Variants in SAMD5 observed in about 807,000 individuals in gnomAD.
SAMD5 encodes the protein sterile alpha motif domain-containing protein 5.
Under a neutral mutation model 11.3 loss-of-function variants are expected in SAMD5, and 13 were observed. The ratio of observed to expected loss-of-function variants is 1.15; its 90% CI spans 0.75 to 1.83. The LOEUF (loss-of-function observed/expected upper bound fraction) is 1.83. SAMD5 is among the 40% of genes most tolerant of loss of function. The probability of loss-of-function intolerance (pLI) is 0.00; values close to 1 mark genes in which losing one functional copy is unlikely to be tolerated. For synonymous variants in SAMD5, 129 were observed against 111.3 expected, an observed-to-expected ratio of 1.16 and a Z score of -1.00; for missense variants, 255 against 239.1, an observed-to-expected ratio of 1.07 and a Z score of -0.44.
chr6:147,723,960 C>T (rs1371007593), intron 1 of SAMD5, among the ~76,000 whole-genome samples: 1 of 152,118 alleles, frequency 6.6e-6, no homozygotes, highest in Non-Finnish European at 1.5e-5. Flanking sequence ...CACTAACTGC[C>T]CCAGGGCCCA....
the SAMD5 span, among the ~76,000 whole-genome samples, chr6:147,857,678 T>G: frequency 6.7e-6 from 1 of 149,368 alleles, no homozygotes; most frequent in Admixed American, 6.6e-5. Context: ...CACCTTAGAA[T>G]TTTTTCTTCT....
the SAMD5 span, among the ~76,000 whole-genome samples, chr6:147,765,753 A>G: frequency 6.6e-6 from 1 of 152,218 alleles, no homozygotes; most frequent in South Asian, 2.1e-4. Flanking sequence ...CAACAGATGT[A>G]CATCAGATCT....
At chr6:147,707,055 T>C (rs1791334369) in intron 1 of SAMD5, among the ~76,000 whole-genome samples, 1 of 152,202 alleles carries the variant, frequency 6.6e-6, no homozygotes, top group Non-Finnish European at 1.5e-5. Context: ...GCCAGAAAGT[T>C]GTTGGCTAAT....
At position 147,564,629 on chromosome 6, in the gene SAMD5, T is replaced by A; in HGVS notation, c.*173T>A. ...TAATCAACTTAGTAAACTGGGTAAC[T>A]GGCTTATAACAGCTAGAAATAAGGC... is the stretch of plus-strand genomic sequence containing the variant. On this transcript the variant is annotated 3_prime_UTR_variant, in exon 2 of 2. Transcript: ENST00000367474. 1 of 1,409,506 alleles carries A rather than the reference T, an allele frequency of 7.1e-7. No homozygotes were observed. Among genetic ancestry groups the A allele is most frequent in the Non-Finnish European group, 9.2e-7 (1 of 1,081,872 alleles). 87.3% of individuals were successfully genotyped at this position (1,409,506 alleles called of 1,614,324 possible).
the SAMD5 span, among the ~76,000 whole-genome samples, chr6:147,789,113 AC>A: frequency 1.3e-3 from 188 of 142,784 alleles, no homozygotes; most frequent in African/African-American, 4.9e-3. Context: ...AAAAAAAAAC[AC>A]CACCATCCAG....
Position 147,569,662 on chromosome 6 carries a change from C to A in SAMD5, c.*5206C>A. 5 of 985,358 alleles carry A rather than the reference C, an allele frequency of 5.1e-6. No individual in the cohort carries two copies. Among genetic ancestry groups the A allele is most frequent in the Non-Finnish European group, 4.8e-6 (4 of 829,906 alleles). The allele number at this position is 985,358 out of a possible 1,614,324, so 61.0% of individuals were successfully genotyped here. ...TGTATTGTTCATTGCACTTGTTGCC[C>A]TGTTCCCCAAGCTTGTCAATGTTTA... On this transcript the variant is annotated 3_prime_UTR_variant, in exon 2 of 2. Transcript: ENST00000367474.
the SAMD5 span, among the ~76,000 whole-genome samples, chr6:147,887,363 C>T: frequency 1.3e-5 from 2 of 152,154 alleles, no homozygotes; most frequent in African/African-American, 4.8e-5. Context: ...ACCATCCAAC[C>T]TCTGATTTGC....
the SAMD5 span, among the ~76,000 whole-genome samples, chr6:147,816,523 C>T: frequency 1.3e-5 from 2 of 151,298 alleles, no homozygotes; most frequent in East Asian, 1.9e-4. Context: ...AATATTATCA[C>T]ATACAAAAGG....
At chr6:147,613,472 T>G (rs1365789395) in intron 1 of SAMD5, among the ~76,000 whole-genome samples, 1 of 151,814 alleles carries the variant, frequency 6.6e-6, no homozygotes, top group Non-Finnish European at 1.5e-5. Context: ...TCCTAACAGT[T>G]CTCTTCCACT....
chr6:147,651,347 C>T (rs1367737549), intron 1 of SAMD5, among the ~76,000 whole-genome samples: 1 of 152,200 alleles, frequency 6.6e-6, no homozygotes, highest in Admixed American at 6.5e-5. Flanking sequence ...CCATTGCTAA[C>T]TCTTTAACAT....
At chr6:147,907,206 C>T in the SAMD5 span, among the ~76,000 whole-genome samples, 440 of 152,220 alleles carry the variant, frequency 2.9e-3, 7 homozygotes, top group South Asian at 0.013. Flanking sequence ...CTTAAGATCC[C>T]GGGTCTGGCA....
chr6:147,763,348 G>C, the SAMD5 span, among the ~76,000 whole-genome samples: 4 of 151,854 alleles, frequency 2.6e-5, no homozygotes, highest in Non-Finnish European at 5.9e-5. Context: ...GTTTTTAGTA[G>C]AGACAGGGTT....
At chr6:147,809,240 A>C in the SAMD5 span, among the ~76,000 whole-genome samples, 1 of 152,164 alleles carries the variant, frequency 6.6e-6, no homozygotes, top group African/African-American at 2.4e-5. Context: ...CCACAGTTTA[A>C]AAATATCAGT....
At chr6:147,821,923 A>G in the SAMD5 span, among the ~76,000 whole-genome samples, 1 of 152,166 alleles carries the variant, frequency 6.6e-6, no homozygotes, top group Non-Finnish European at 1.5e-5. Flanking sequence ...GCCTAGTGCA[A>G]TGTCTAGATA....
chr6:147,932,805 A>G, the SAMD5 span, among the ~76,000 whole-genome samples: 1 of 152,170 alleles, frequency 6.6e-6, no homozygotes, highest in Non-Finnish European at 1.5e-5. Context: ...GACTGATGGA[A>G]AGGGAATGGG....
the SAMD5 span, among the ~76,000 whole-genome samples, chr6:147,912,498 G>A: frequency 6.6e-6 from 1 of 152,076 alleles, no homozygotes; most frequent in Middle Eastern, 3.2e-3. Context: ...AGCATAAAAG[G>A]GTAAAAATCA....
chr6:147,777,453 G>A, the SAMD5 span, among the ~76,000 whole-genome samples: 4 of 151,906 alleles, frequency 2.6e-5, no homozygotes, highest in Non-Finnish European at 5.9e-5. Context: ...CTCTCTCCTG[G>A]TTTTCTTCCT....
At chr6:147,667,444 A>G (rs548612827) in intron 1 of SAMD5, among the ~76,000 whole-genome samples, 14 of 152,312 alleles carry the variant, frequency 9.2e-5, no homozygotes, top group Non-Finnish European at 1.5e-4. Flanking sequence ...CTTAATGGCA[A>G]AGCCTGGTCT....
chr6:147,918,466 A>G, the SAMD5 span, among the ~76,000 whole-genome samples: 8 of 152,116 alleles, frequency 5.3e-5, no homozygotes, highest in African/African-American at 7.2e-5. Context: ...CACCACTCCT[A>G]TTCAACATAG....
Sources: gnomAD v4.1 joint callset for allele counts (sites outside exome capture counted in the v4.1 genomes callset) on GRCh38, gnomAD v4.1.1 for gene constraint, MANE v1.5 for transcripts, NCBI Gene and HGNC (gene_info 2026-07-23, HGNC 2026-07-21) for gene names.